Variants in MRPL24 observed in about 807,000 individuals in gnomAD.
MRPL24 encodes the protein large ribosomal subunit protein uL24m.
Under a neutral mutation model 26.9 loss-of-function variants are expected in MRPL24, and 15 were observed. That is an observed-to-expected ratio of 0.56 (90% CI 0.37 to 0.86). The LOEUF (loss-of-function observed/expected upper bound fraction) is 0.86. Ranked by LOEUF, MRPL24 falls within the 40% of genes least tolerant of loss-of-function variation. MRPL24 has a pLI of 0.00. For missense variants in MRPL24, 241 were observed against 281.4 expected (o/e 0.86, Z 1.03); for synonymous variants, 92 against 102.4 (o/e 0.90, Z 0.62).
Position 156,741,003 on chromosome 1 carries a change from T to C in MRPL24, c.-61+9A>G, listed in dbSNP as rs1313659240. On this transcript the variant is annotated intron_variant, in intron 1 of 5. Coordinates refer to ENST00000361531, the MANE Select transcript of MRPL24 (RefSeq NM_145729.3). Reference sequence around the variant, plus strand: ...CATGGCCAGGGAAAAGGATAGGCTCTTCCCGCACCTGCCTCTCGGACGGGC... The same window carrying C: ...CATGGCCAGGGAAAAGGATAGGCTCCTCCCGCACCTGCCTCTCGGACGGGC... 2 of 152,254 alleles carry C rather than the reference T, an allele frequency of 1.3e-5. No individual in the cohort carries two copies. The highest frequency in any genetic ancestry group is 2.9e-5 in the Non-Finnish European group (2 of 68,070). The allele number at this position is 152,254 out of a possible 1,614,324, so 9.4% of individuals were successfully genotyped here.
rs200159449 is a variant in MRPL24, at chr1:156,737,601, T to C, written c.514+45A>G. 1.1e-3 allele frequency: 1,784 copies of C among 1,611,312 alleles called. 5 individuals are homozygous for C. The highest frequency in any genetic ancestry group is 1.9e-3 in the Admixed American group (114 of 59,844). On this transcript the variant is annotated intron_variant, in intron 5 of 5. Coordinates refer to ENST00000361531, the MANE Select transcript of MRPL24 (RefSeq NM_145729.3). Reference sequence around the variant, plus strand: ...CAACTTTCATTAATGTCCCCTACTCTCACTCCTAGCACCCACCCCTGACCT... The same window carrying C: ...CAACTTTCATTAATGTCCCCTACTCCCACTCCTAGCACCCACCCCTGACCT...
At chr1:156,740,117 A>G (rs1650027668) in intron 1 of MRPL24, among the ~76,000 whole-genome samples, 1 of 152,212 alleles carries the variant, frequency 6.6e-6, no homozygotes, top group Non-Finnish European at 1.5e-5. Context: ...TATATATTCC[A>G]GCACAGTTAT....
chr1:156,738,107 C>A lies in MRPL24; in HGVS notation c.307G>T (p.Asp103Tyr), dbSNP rs1236635117. Reference sequence around the variant, plus strand: ...CTAGGGATCATGGTTCCCCGGTAATCCATGGTCTTGCCAATGTAGCGGTAA... The same window carrying A: ...CTAGGGATCATGGTTCCCCGGTAATACATGGTCTTGCCAATGTAGCGGTAA... Reference protein sequence around the residue: ...THYRYIGKTMDYRGTMIPSEA... With the variant: ...THYRYIGKTMYYRGTMIPSEA... Residue 103 changes from aspartate to tyrosine, a missense_variant, in exon 4 of 6, where the codon GAT (aspartate) becomes TAT (tyrosine). By Grantham distance (160) the Asp-to-Tyr change is radical. Transcript: ENST00000361531. 1.2e-6 allele frequency: 2 copies of A among 1,614,128 alleles called. No individual in the cohort carries two copies.
chr1:156,741,447 C>G (rs951372859), upstream of MRPL24: 6 of 152,238 alleles, frequency 3.9e-5, no homozygotes, highest in African/African-American at 7.2e-5. Context: ...CCAGACAGGG[C>G]TACCGCCAAT....
intron 5 of MRPL24, 21 bp downstream of exon 5, chr1:156,737,625 C>G (rs776811890): frequency 1.1e-5 from 18 of 1,613,850 alleles, no homozygotes; most frequent in Non-Finnish European, 1.4e-5. Context: ...CACCCCTGAC[C>G]TTCCTGCCCC....
intron 1 of MRPL24, chr1:156,740,257 T>C (rs2102686125): frequency 6.6e-6 from 1 of 152,306 alleles, no homozygotes; most frequent in South Asian, 2.1e-4. Flanking sequence ...TTTAAAAATA[T>C]GTATTAACGG....
Position 156,737,634 on chromosome 1 carries a change from CCTCA to C in MRPL24, c.514+8_514+11del. ...AGCACCCACCCCTGACCTTCCTGCC[CCTCA>C]CTCTCACCAATCCACGTTTCAGGGA... On this transcript the variant is annotated splice_region_variant and intron_variant, in intron 5 of 5. Transcript: ENST00000361531. 2.5e-6 allele frequency: 4 copies of C among 1,614,098 alleles called. No homozygotes were observed. Among genetic ancestry groups the C allele is most frequent in the South Asian group, 1.1e-5 (1 of 91,078 alleles).
chr1:156,738,555 A>G lies in MRPL24; in HGVS notation c.150T>C (p.Ser50=). The change falls in exon 2 of 6, where the codon TCT becomes TCC. Residue 50 remains serine (S), a synonymous_variant. Coordinates refer to ENST00000361531, the MANE Select transcript of MRPL24 (RefSeq NM_145729.3). ...CACAGAACAGATACCAGTCTTCATC[A>G]GAGATGGGTTCCACAACCACTGGGC... ...RRRPVVVEPI[S]DEDWYLFCGD... 6.2e-7 allele frequency: 1 copy of G among 1,614,092 alleles called. No homozygotes were observed. The highest frequency in any genetic ancestry group is 8.5e-7 in the Non-Finnish European group (1 of 1,180,000).
rs377386411 is a variant in MRPL24 at position 156,738,583 on chromosome 1, C to T, written c.122G>A (p.Arg41Gln). The T allele has an allele frequency of 1.6e-5, 26 of 1,613,850 alleles. No homozygotes were observed. Among genetic ancestry groups the T allele is most frequent in the African/African-American group, 1.6e-4 (12 of 74,858 alleles). ...DKRKNPPWIR[R>Q]RPVVVEPISD... Reference sequence around the variant, plus strand: ...GATGGGTTCCACAACCACTGGGCGCCGCCTGATCCATGGGGGGTTCTTCCT... The same window carrying T: ...GATGGGTTCCACAACCACTGGGCGCTGCCTGATCCATGGGGGGTTCTTCCT... The change falls in exon 2 of 6, where the codon CGG becomes CAG. Residue 41 changes from arginine to glutamine, a missense_variant. By Grantham distance (43) the Arg-to-Gln change is conservative (BLOSUM62 1). Transcript: ENST00000361531.
chr1:156,737,837 A>G, intron 4 of MRPL24, 61 bp from the exon 5 acceptor site: 1 of 1,598,678 alleles, frequency 6.3e-7, no homozygotes, highest in Non-Finnish European at 8.5e-7. Context: ...CCTCCAACCC[A>G]AAAGAGTCAG....
chr1:156,741,099 C>G (rs891963346), upstream of MRPL24: 4 of 152,212 alleles, frequency 2.6e-5, no homozygotes, highest in African/African-American at 9.7e-5. Flanking sequence ...GGGCCCTCAG[C>G]GTCCCCTCCC....
chr1:156,737,793 G>GT lies in MRPL24; in HGVS notation c.384-18dup. ...GTGGGTTTCCTGGTGGATAGAAGAG[G>GT]TGAGCCTGGCCTACGAGCCAGGCTT... On this transcript the variant is annotated splice_polypyrimidine_tract_variant and intron_variant, in intron 4 of 5. Transcript: ENST00000361531. 6.2e-7 allele frequency: 1 copy of GT among 1,613,522 alleles called. No individual in the cohort carries two copies. Among genetic ancestry groups the GT allele is most frequent in the Non-Finnish European group, 8.5e-7 (1 of 1,179,784 alleles).
upstream of MRPL24, chr1:156,741,507 C>T (rs892069809): frequency 1.3e-5 from 2 of 152,236 alleles, no homozygotes; most frequent in African/African-American, 2.4e-5. Flanking sequence ...GATTCAAAAA[C>T]TGCCGGTAGG....
chr1:156,738,316 G>T lies in MRPL24; in HGVS notation c.279+27C>A, dbSNP rs536092577. On this transcript the variant is annotated intron_variant, in intron 3 of 5. Coordinates refer to ENST00000361531, the MANE Select transcript of MRPL24 (RefSeq NM_145729.3). ...GGGACAGATGAGACAGGCTTCCTGA[G>T]CATCCCCATCCCCTCTCTCAACTTA... 2.5e-6 allele frequency: 4 copies of T among 1,605,348 alleles called. No homozygotes were observed. The African/African-American group carries it at 5.3e-5, about 21-fold the overall frequency.
Position 156,738,609 on chromosome 1 carries a change from CTT to C in MRPL24, c.94_95del (p.Lys32GlufsTer19). On this transcript the variant is annotated frameshift_variant, in exon 2 of 6. Transcript: ENST00000361531. LOFTEE classifies it high-confidence loss of function. ...GMSPPGSVADKRKNPPWIRRR... is the reference protein window; with the variant it reads ...GMSPPGSVADXRKNPPWIRRR... ...GCCTGATCCATGGGGGGTTCTTCCT[CTT>C]GTCTGCAACAGAGCCTGGGGGGCTC... The C allele has an allele frequency of 6.2e-7, 1 of 1,613,344 alleles. No homozygotes were observed. Among genetic ancestry groups the C allele is most frequent in the Non-Finnish European group, 8.5e-7 (1 of 1,179,704 alleles).
At chr1:156,738,869 G>C in intron 1 of MRPL24, 105 bp from the exon 2 acceptor site, 1 of 601,876 alleles carries the variant, frequency 1.7e-6, no homozygotes, top group Non-Finnish European at 2.9e-6. Context: ...ATCCTCACAA[G>C]AGGTTATCAT....
upstream of MRPL24, chr1:156,742,312 G>C (rs189681903): frequency 1.7e-3 from 266 of 152,704 alleles, 2 homozygotes; most frequent in Non-Finnish European, 2.3e-3. Flanking sequence ...CCTCTCAGTG[G>C]GTTACAAATC....
chr1:156,737,912 A>G, intron 4 of MRPL24, 119 bp downstream of exon 4: 2 of 1,424,896 alleles, frequency 1.4e-6, no homozygotes, highest in Non-Finnish European at 1.9e-6. Context: ...CCCGCAGGGA[A>G]TCATGTCCAT....
chr1:156,737,675 G>A lies in MRPL24; in HGVS notation c.485C>T (p.Ala162Val). 1.2e-6 allele frequency: 2 copies of A among 1,614,162 alleles called. No homozygotes were observed. The highest frequency in any genetic ancestry group is 1.7e-6 in the Non-Finnish European group (2 of 1,180,044). ...CCACGTTTCAGGGACGATGCCATCA[G>A]CTCTGGGAAATTCGGGTTTAGGGAT... is the stretch of plus-strand genomic sequence containing the variant. Reference protein sequence around the residue: ...RIIPKPEFPRADGIVPETWID... With the variant: ...RIIPKPEFPRVDGIVPETWID... Residue 162 changes from alanine to valine, a missense_variant, in exon 5 of 6, where the codon GCT becomes GTT. By Grantham distance (64) the Ala-to-Val change is moderately conservative (BLOSUM62 0). Transcript: ENST00000361531.
Sources: gnomAD v4.1 joint callset for allele counts (sites outside exome capture counted in the v4.1 genomes callset) on GRCh38, gnomAD v4.1.1 for gene constraint, MANE v1.5 for transcripts, NCBI Gene and HGNC (gene_info 2026-07-23, HGNC 2026-07-21) for gene names.